Variants in WDR49 observed in about 807,000 individuals in gnomAD.
WDR49 encodes WD repeat domain 49, also known as cilia- and flagella-associated protein 337.
A neutral mutation model predicts 119.5 loss-of-function variants in WDR49; 107 were observed. That is an observed-to-expected ratio of 0.90 (90% CI 0.77 to 1.05). The LOEUF (loss-of-function observed/expected upper bound fraction) is 1.05, where lower values mean the gene tolerates loss of function less well. Among genes scored for constraint, WDR49 ranks in the 50% least tolerant of loss-of-function variants. The pLI is 0.00. For missense variants in WDR49, 1,240 were observed against 1,220.5 expected (o/e 1.02, Z -0.24); for synonymous variants, 425 against 418.8 (o/e 1.01, Z -0.18).
chr3:167,526,361 G>A (rs1001356950), intron 15 of WDR49, among the ~76,000 whole-genome samples: 2 of 152,078 alleles, frequency 1.3e-5, no homozygotes, highest in African/African-American at 4.8e-5. Flanking sequence ...GTTCGACCCC[G>A]GATGTCTAAG....
At chr3:167,558,760 C>G (rs1474839024) in intron 9 of WDR49, among the ~76,000 whole-genome samples, 1 of 152,092 alleles carries the variant, frequency 6.6e-6, no homozygotes, top group East Asian at 1.9e-4. Context: ...ACAAGGTAAG[C>G]CTTACCCTAG....
intron 7 of WDR49, among the ~76,000 whole-genome samples, chr3:167,588,048 T>G (rs1472139360): frequency 6.6e-6 from 1 of 152,124 alleles, no homozygotes; most frequent in Non-Finnish European, 1.5e-5. Context: ...GTCCTCTTAA[T>G]TCTTTCTATT....
intron 2 of WDR49, among the ~76,000 whole-genome samples, chr3:167,642,201 A>T (rs924616508): frequency 6.6e-6 from 1 of 151,958 alleles, no homozygotes; most frequent in South Asian, 2.1e-4. Flanking sequence ...TAACCTAACC[A>T]TGTAACAAGC....
chr3:167,605,495 A>AT (rs1716013888), intron 5 of WDR49, among the ~76,000 whole-genome samples: 2 of 152,184 alleles, frequency 1.3e-5, no homozygotes, highest in Admixed American at 1.3e-4. Flanking sequence ...AAGAAAAAAA[A>AT]CAGATGCAGT....
In WDR49 at chr3:167,500,152, C is replaced by T. The variant is rs1452474291; in HGVS notation, c.3031+1G>A. Reference sequence around the variant, plus strand: ...GAGGTGTATGATGGCTGAGAACTTACTTTTAAAAAGTGACGGGGCCTCCAG... The same window carrying T: ...GAGGTGTATGATGGCTGAGAACTTATTTTTAAAAAGTGACGGGGCCTCCAG... On this transcript the variant is annotated splice_donor_variant, in intron 18 of 18. Coordinates refer to ENST00000682715, the MANE Select transcript of WDR49 (RefSeq NM_001366157.1). LOFTEE classifies it high-confidence loss of function. 5.1e-6 allele frequency: 8 copies of T among 1,562,306 alleles called. No individual in the cohort carries two copies. The highest frequency in any genetic ancestry group is 1.4e-5 in the African/African-American group (1 of 70,990).
intron 8 of WDR49, among the ~76,000 whole-genome samples, chr3:167,565,114 T>A (rs914852696): frequency 3.9e-5 from 6 of 152,158 alleles, no homozygotes; most frequent in Non-Finnish European, 4.4e-5. Flanking sequence ...AAGAGAATGA[T>A]GATATCTCAG....
At chr3:167,536,482 C>T (rs934367191) in intron 11 of WDR49, among the ~76,000 whole-genome samples, 1 of 151,620 alleles carries the variant, frequency 6.6e-6, no homozygotes. Flanking sequence ...AGTTTGAGAT[C>T]AGCCTGGACA....
upstream of WDR49, among the ~76,000 whole-genome samples, chr3:167,655,893 GTCTCTCTCTCTCTCTCTA>G (rs1477566415): frequency 1.3e-5 from 2 of 150,772 alleles, no homozygotes; most frequent in African/African-American, 2.4e-5. Context: ...GATAGACACT[GTCTCTCTCTCTCTCTCTA>G]TCTCTCTCTC....
chr3:167,576,162 A>C lies in WDR49; in HGVS notation c.1276-11T>G, dbSNP rs774199027. On this transcript the variant is annotated splice_polypyrimidine_tract_variant and intron_variant, in intron 7 of 18. Coordinates refer to ENST00000682715, the MANE Select transcript of WDR49 (RefSeq NM_001366157.1). Reference sequence around the variant, plus strand: ...CCAGAGTCTCAAAACCTGGATGAAAAGTGATAAAATCATTTCAATATGTCA... The same window carrying C: ...CCAGAGTCTCAAAACCTGGATGAAACGTGATAAAATCATTTCAATATGTCA... 2 of 1,608,366 alleles carry C rather than the reference A, an allele frequency of 1.2e-6. No homozygotes were observed. Among genetic ancestry groups the C allele is most frequent in the African/African-American group, 1.3e-5 (1 of 74,868 alleles).
chr3:167,593,598 T>C (rs1441241776), intron 7 of WDR49, among the ~76,000 whole-genome samples: 1 of 152,084 alleles, frequency 6.6e-6, no homozygotes, highest in East Asian at 1.9e-4. Context: ...TTCTCCAGGA[T>C]GTGTTATTGT....
At chr3:167,529,635 A>G (rs1172871967) in intron 13 of WDR49, among the ~76,000 whole-genome samples, 2 of 152,126 alleles carry the variant, frequency 1.3e-5, no homozygotes, top group Non-Finnish European at 2.9e-5. Flanking sequence ...GGACATATAC[A>G]ATGAAGTAAA....
intron 2 of WDR49, among the ~76,000 whole-genome samples, chr3:167,632,878 A>C (rs138820706): frequency 6.6e-6 from 1 of 152,138 alleles, no homozygotes; most frequent in Non-Finnish European, 1.5e-5. Flanking sequence ...GGCACCTCTA[A>C]ATAGGAATAA....
At chr3:167,557,296 TA>T (rs1466074914) in intron 9 of WDR49, among the ~76,000 whole-genome samples, 1 of 152,176 alleles carries the variant, frequency 6.6e-6, no homozygotes, top group Non-Finnish European at 1.5e-5. Flanking sequence ...AAATTTGGCT[TA>T]AAAATTCAGC....
intron 8 of WDR49, among the ~76,000 whole-genome samples, chr3:167,565,460 A>G (rs189813330): frequency 1.1e-4 from 16 of 150,166 alleles, no homozygotes; most frequent in Admixed American, 4.6e-4. Context: ...GTGTGTGTGT[A>G]TATATATATA....
At chr3:167,618,741 C>T (rs1287715199) in intron 5 of WDR49, among the ~76,000 whole-genome samples, 1 of 152,176 alleles carries the variant, frequency 6.6e-6, no homozygotes, top group Non-Finnish European at 1.5e-5. Context: ...TGAATCTCCA[C>T]TGCTAATACT....
In WDR49 at chr3:167,571,926, C is replaced by T. The variant is rs139289991; in HGVS notation, c.1509+3992G>A. 9.0e-3 allele frequency among the ~76,000 whole-genome samples: 1,369 copies of T among 152,256 alleles called. 20 individuals carry two copies. The highest frequency in any genetic ancestry group is 0.031 in the African/African-American group (1,302 of 41,542). ...GTCCAAGGTTCCCAACAAACTGAAA[C>T]ATTATCTATTTTACAAAAATACATC... On this transcript the variant is annotated intron_variant, in intron 8 of 18. Transcript: ENST00000682715.
At chr3:167,481,804 G>A (rs952617507) in intron 18 of WDR49, among the ~76,000 whole-genome samples, 1 of 142,716 alleles carries the variant, frequency 7.0e-6, no homozygotes, top group African/African-American at 3.1e-5. Context: ...TCACTATCAC[G>A]AGAATAGCAC....
intron 2 of WDR49, among the ~76,000 whole-genome samples, chr3:167,645,899 A>T (rs1407169408): frequency 3.3e-5 from 5 of 152,202 alleles, no homozygotes; most frequent in Non-Finnish European, 5.9e-5. Flanking sequence ...AACATATAGG[A>T]AGCTATGAGA....
chr3:167,551,266 A>G (rs1410581245), intron 10 of WDR49, among the ~76,000 whole-genome samples: 1 of 151,982 alleles, frequency 6.6e-6, no homozygotes, highest in Admixed American at 6.6e-5. Context: ...GATTCTTTAC[A>G]TTCAGTATAC....
Sources: allele counts gnomAD v4.1 joint callset (sites outside exome capture counted in the v4.1 genomes callset), GRCh38; gene constraint gnomAD v4.1.1; transcripts MANE v1.5; gene names NCBI Gene and HGNC (gene_info 2026-07-23, HGNC 2026-07-21).